The following SLC30A5 variants were observed in gnomAD, a reference collection of about 807,000 sequenced individuals.
SLC30A5 encodes the protein proton-coupled zinc antiporter SLC30A5.
Under a neutral mutation model 79.6 loss-of-function variants are expected in SLC30A5, and 33 were observed. That is an observed-to-expected ratio of 0.41 (90% CI 0.31 to 0.55). SLC30A5 has a LOEUF of 0.55. Among genes scored for constraint, SLC30A5 ranks in the 20% least tolerant of loss-of-function variants. The pLI is 0.20. For synonymous variants in SLC30A5, 299 were observed against 319.7 expected (o/e 0.94, Z 0.69); for missense variants, 788 against 928.1 (o/e 0.85, Z 1.96).
rs1693058014 is a variant in SLC30A5 at position 69,120,736 on chromosome 5, C to A, written c.1570-958C>A. Among the ~76,000 whole-genome samples the A allele has an allele frequency of 5.3e-5, 8 of 152,024 alleles. No individual in the cohort carries two copies. In the South Asian group the frequency reaches 1.5e-3, roughly 28 times the overall value. On this transcript the variant is annotated intron_variant, in intron 12 of 15. Transcript: ENST00000396591. ...GTCCGAATCAGGAAGAAGTAAATAA[C>A]CTCCCTACACATTTAATAAAGTAAA... is the stretch of plus-strand genomic sequence containing the variant.
intron 14 of SLC30A5, 56 bp from the exon 15 acceptor site, chr5:69,127,948 T>C: frequency 2.7e-6 from 4 of 1,456,634 alleles, no homozygotes; most frequent in Non-Finnish European, 3.8e-6. Flanking sequence ...AGCATCTCCA[T>C]TGTGTTGTGT....
chr5:69,100,898 A>G lies in SLC30A5; in HGVS notation c.175A>G (p.Ile59Val), dbSNP rs1333017015. The G allele has an allele frequency of 6.3e-7, 1 of 1,582,318 alleles. No homozygotes were observed. ...ESYDLLKAVH[I>V]VQFIFILKLG... ...ATATGATCTCCTAAAAGCTGTTCAC[A>G]TTGTTCAGTTCATTTTTATATTAAA... The change falls in exon 2 of 16, where the codon ATT (isoleucine) becomes GTT (valine). Residue 59 changes from isoleucine (I) to valine (V), a missense_variant. By Grantham distance (29) the Ile-to-Val change is conservative. Around this residue, in one of 3 missense-constraint regions of SLC30A5, gnomAD observed 626 missense variants for 755.5 expected, o/e 0.83. Coordinates refer to ENST00000396591, the MANE Select transcript of SLC30A5 (RefSeq NM_022902.5).
intron 6 of SLC30A5, among the ~76,000 whole-genome samples, 176 bp from the exon 7 acceptor site, chr5:69,114,243 TA>T (rs530463380): frequency 6.8e-4 from 103 of 152,360 alleles, no homozygotes; most frequent in African/African-American, 2.4e-3. Flanking sequence ...AATTAAATGT[TA>T]GATTGTTTTA....
intron 6 of SLC30A5, among the ~76,000 whole-genome samples, chr5:69,113,526 C>A (rs200294693): frequency 6.6e-6 from 1 of 151,426 alleles, no homozygotes; most frequent in Non-Finnish European, 1.5e-5. Flanking sequence ...TGCCACTCAA[C>A]ATGTTTGCTC....
rs1252218200 is a variant in SLC30A5 at position 69,108,382 on chromosome 5, T to A, written c.393T>A (p.Val131=). Residue 131 remains valine (V), a synonymous_variant, in exon 5 of 16, where the codon GTT becomes GTA. Transcript: ENST00000396591. ...TLLLFEHSDI[V]VISLLSVLFT... is the part of the protein sequence containing the mutation. ...TGCTATTTGAGCACAGTGATATTGT[T>A]GTCATTTCACTACTCAGTGTTTTGT... 1 of 1,613,846 alleles carries A rather than the reference T, an allele frequency of 6.2e-7. No homozygotes were observed. The highest frequency in any genetic ancestry group is 1.1e-5 in the South Asian group (1 of 91,078).
In SLC30A5 at chr5:69,104,699, T is replaced by C; in HGVS notation, c.342T>C (p.Thr114=). The change falls in exon 4 of 16, where the codon ACT becomes ACC. Residue 114 remains threonine, a synonymous_variant. Transcript: ENST00000396591. ...IISLLWFFGL[T]LCGPLRTLLL... Reference sequence around the variant, plus strand: ...CACTCTTGTGGTTTTTTGGCCTCACTCTTTGTGGACCACTAAGGTAAATAA... The same window carrying C: ...CACTCTTGTGGTTTTTTGGCCTCACCCTTTGTGGACCACTAAGGTAAATAA... 1 of 1,596,434 alleles carries C rather than the reference T, an allele frequency of 6.3e-7. No homozygotes were observed. The highest frequency in any genetic ancestry group is 2.3e-5 in the East Asian group (1 of 44,118).
At chr5:69,114,856 ACT>A (rs1746320964) in intron 7 of SLC30A5, among the ~76,000 whole-genome samples, 1 of 152,078 alleles carries the variant, frequency 6.6e-6, no homozygotes, top group African/African-American at 2.4e-5. Flanking sequence ...CAAAAGCGAA[ACT>A]CTGTCTCAAA....
chr5:69,121,182 G>A (rs1169933851), intron 12 of SLC30A5, among the ~76,000 whole-genome samples: 2 of 151,950 alleles, frequency 1.3e-5, no homozygotes, highest in African/African-American at 4.8e-5. Flanking sequence ...GATTACTATT[G>A]TATGTTTCCT....
chr5:69,112,931 T>C (rs991768246), intron 5 of SLC30A5, among the ~76,000 whole-genome samples: 1 of 152,228 alleles, frequency 6.6e-6, no homozygotes, highest in African/African-American at 2.4e-5. Flanking sequence ...ATCAATGTTA[T>C]CATTAGTTTA....
In SLC30A5 at chr5:69,118,311, G is replaced by GTGTATA. The variant is rs1321743509; in HGVS notation, c.1440-187_1440-186insGTATAT. The GTGTATA allele has an allele frequency of 4.3e-4, 68 of 159,040 alleles. 1 individual carries two copies. The highest frequency in any genetic ancestry group is 1.9e-3 in the African/African-American group (65 of 34,598). The allele number at this position is 159,040 out of a possible 1,614,324, so 9.9% of individuals were successfully genotyped here. A position where few individuals can be genotyped will look rare whatever the true frequency, so the allele number is the denominator to read the frequency against. On this transcript the variant is annotated intron_variant, in intron 11 of 15. Coordinates refer to ENST00000396591, the MANE Select transcript of SLC30A5 (RefSeq NM_022902.5). ...TCATATATAACGTGTATATATATGT[G>GTGTATA]TATATATATATATGTATATATATAT...
chr5:69,122,008 T>C, intron 13 of SLC30A5, 113 bp downstream of exon 13: 1 of 764,790 alleles, frequency 1.3e-6, no homozygotes, highest in Non-Finnish European at 2.1e-6. Context: ...TAAAAAGCAA[T>C]CTGTGACTAA....
intron 4 of SLC30A5, among the ~76,000 whole-genome samples, chr5:69,107,989 C>T (rs918333019): frequency 2.6e-5 from 4 of 152,194 alleles, no homozygotes; most frequent in Non-Finnish European, 5.9e-5. Flanking sequence ...CCTTGGGCTC[C>T]CAAAGTGCTG....
Position 69,129,583 on chromosome 5 carries a change from T to C in SLC30A5, c.2264T>C (p.Met755Thr). 1 of 1,613,160 alleles carries C rather than the reference T, an allele frequency of 6.2e-7. No individual in the cohort carries two copies. The highest frequency in any genetic ancestry group is 8.5e-7 in the Non-Finnish European group (1 of 1,179,638). Reference sequence around the variant, plus strand: ...GCTATGACAAAACAAATGGAATCCATGAAATACTGCAAAGATGGTACTTAC... The same window carrying C: ...GCTATGACAAAACAAATGGAATCCACGAAATACTGCAAAGATGGTACTTAC... ...VLAMTKQMESMKYCKDGTYIM is the reference protein window; with the variant it reads ...VLAMTKQMESTKYCKDGTYIM The change falls in exon 16 of 16, where the codon ATG becomes ACG. Residue 755 changes from methionine (M) to threonine (T), a missense_variant. By Grantham distance (81) the Met-to-Thr change is moderately conservative. Around this residue, in one of 3 missense-constraint regions of SLC30A5, gnomAD observed 158 missense variants for 156.2 expected, o/e 1.01. Transcript: ENST00000396591.
At position 69,113,197 on chromosome 5, in the gene SLC30A5, G is replaced by C; in HGVS notation, c.505G>C (p.Asp169His). 1 of 1,613,478 alleles carries C rather than the reference G, an allele frequency of 6.2e-7. No homozygotes were observed. ...AVICLLLFDN[D>H]DLMAKMAEHP... ...GATCTGTTTATTGCTTTTTGACAAT[G>C]ATGATCTCATGGCTAAAATGGCTGA... The change falls in exon 6 of 16, where the codon GAT (aspartate) becomes CAT (histidine). Residue 169 changes from aspartate (D) to histidine (H), a missense_variant. By Grantham distance (81) the Asp-to-His change is moderately conservative (BLOSUM62 -1). This residue lies in a region of SLC30A5 where 626 missense variants were observed against 755.5 expected (regional missense o/e 0.83). Transcript: ENST00000396591.
Position 69,121,899 on chromosome 5 carries a change from A to C in SLC30A5, c.1771+4A>C. On this transcript the variant is annotated splice_donor_region_variant and intron_variant, in intron 13 of 15. Coordinates refer to ENST00000396591, the MANE Select transcript of SLC30A5 (RefSeq NM_022902.5). ...GGCATGAATGCTAACATGAGGGGTG[A>C]GTCCTTGCAAAATATTATCCTACTT... 6.2e-7 allele frequency: 1 copy of C among 1,609,274 alleles called. No homozygotes were observed. The highest frequency in any genetic ancestry group is 8.5e-7 in the Non-Finnish European group (1 of 1,177,484).
intron 3 of SLC30A5, chr5:69,104,364 A>C (rs2111949162): frequency 1.3e-6 from 1 of 748,228 alleles, no homozygotes; most frequent in Middle Eastern, 4.8e-4. Context: ...CTGGTCTTGA[A>C]CTCCTGACCT....
rs1001502652 is a variant in SLC30A5 at position 69,130,955 on chromosome 5, T to C, written c.*1338T>C. ...AATCATATTTTTGTCTTACCAATTT[T>C]AATATATGAGGGGTTTTAGAAATTT... On this transcript the variant is annotated 3_prime_UTR_variant, in exon 16 of 16. Coordinates refer to ENST00000396591, the MANE Select transcript of SLC30A5 (RefSeq NM_022902.5). 5 of 152,290 alleles carry C rather than the reference T, an allele frequency of 3.3e-5. No homozygotes were observed. The highest frequency in any genetic ancestry group is 3.3e-4 in the Admixed American group (5 of 15,286). The allele number at this position is 152,290 out of a possible 1,614,324, so 9.4% of individuals were successfully genotyped here.
rs1173922064 is a variant in SLC30A5, at chr5:69,117,978, A to T, written c.1440-521A>T. ...ATCACAGGGTCAGGAGATCGAGACC[A>T]TCCTGGCTAACACGGTGAAACCCCG... On this transcript the variant is annotated intron_variant, in intron 11 of 15. Transcript: ENST00000396591. 2.0e-5 allele frequency among the ~76,000 whole-genome samples: 3 copies of T among 151,642 alleles called. No individual in the cohort carries two copies. In the East Asian group the frequency reaches 5.9e-4, roughly 30 times the overall value.
chr5:69,095,641 C>A (rs1187519899), intron 1 of SLC30A5, among the ~76,000 whole-genome samples: 2 of 152,276 alleles, frequency 1.3e-5, no homozygotes, highest in South Asian at 2.1e-4. Flanking sequence ...GATGTTAATT[C>A]TTGAGACATG....
Sources: gnomAD v4.1 joint callset for allele counts (sites outside exome capture counted in the v4.1 genomes callset) on GRCh38, gnomAD v4.1.1 for gene constraint, gnomAD v4.1.1 regional missense constraint, MANE v1.5 for transcripts, NCBI Gene and HGNC (gene_info 2026-07-23, HGNC 2026-07-21) for gene names.